The following NRG3 variants were observed in gnomAD, a reference collection of about 807,000 sequenced individuals.
NRG3 encodes the protein neuregulin 3.
In NRG3, 31 loss-of-function variants were observed where a neutral mutation model predicts 66.9. The ratio of observed to expected loss-of-function variants is 0.46; its 90% CI spans 0.35 to 0.63. The LOEUF is 0.63. NRG3 is among the 20% of genes least tolerant of loss of function. NRG3 has a pLI of 0.00. For missense variants in NRG3, 910 were observed against 878.9 expected, an observed-to-expected ratio of 1.04 and a Z score of -0.45; for synonymous variants, 393 against 359.4, an observed-to-expected ratio of 1.09 and a Z score of -1.06.
chr10:82,395,419 T>C (rs2086651168), intron 2 of NRG3, among the ~76,000 whole-genome samples: 1 of 152,172 alleles, frequency 6.6e-6, no homozygotes, highest in Non-Finnish European at 1.5e-5. Context: ...GCTCACCTGA[T>C]TGAAATTCAG....
chr10:81,884,984 T>C (rs552762934), intron 1 of NRG3, among the ~76,000 whole-genome samples: 1 of 152,332 alleles, frequency 6.6e-6, no homozygotes, highest in South Asian at 2.1e-4. Context: ...TGCAGTATTA[T>C]ATTGTTAACT....
rs557854251 is a variant in NRG3, at chr10:82,170,653, G to GGTGT, written c.824-188084_824-188083insGTGT. The stretch of plus-strand genomic sequence containing the variant: ...ATGAGATGATGTTTATAAAACTTGT[G>GGTGT]GTATATATATATATATATATATATA... On this transcript the variant is annotated intron_variant, in intron 1 of 8. Transcript: ENST00000372141. 6.5e-4 allele frequency among the ~76,000 whole-genome samples: 32 copies of GGTGT among 49,374 alleles called. No individual in the cohort carries two copies. In the East Asian group the frequency reaches 7.0e-3, roughly 11 times the overall value. 32.4% of individuals were successfully genotyped at this position (49,374 alleles called of 152,430 possible). A position where few individuals can be genotyped will look rare whatever the true frequency, so the allele number is the denominator to read the frequency against.
chr10:82,442,995 G>C (rs980054722), intron 2 of NRG3, among the ~76,000 whole-genome samples: 2 of 151,594 alleles, frequency 1.3e-5, no homozygotes, highest in Admixed American at 6.6e-5. Flanking sequence ...AATCAGCAGT[G>C]GAACTTTCAA....
intron 4 of NRG3, among the ~76,000 whole-genome samples, chr10:82,919,940 A>G (rs965236729): frequency 6.6e-6 from 1 of 152,156 alleles, no homozygotes; most frequent in Admixed American, 6.6e-5. Flanking sequence ...AAGCACAGAT[A>G]GGAACTAGAG....
At chr10:82,910,561 A>G (rs1441982769) in intron 4 of NRG3, among the ~76,000 whole-genome samples, 2 of 152,252 alleles carry the variant, frequency 1.3e-5, no homozygotes, top group East Asian at 3.8e-4. Flanking sequence ...ATCTGGTTTT[A>G]CAAACATTTG....
At chr10:82,482,552 G>A (rs1346335254) in intron 2 of NRG3, among the ~76,000 whole-genome samples, 2 of 152,078 alleles carry the variant, frequency 1.3e-5, no homozygotes, top group East Asian at 3.9e-4. Flanking sequence ...GGCAAGGTCA[G>A]TGCTACACAG....
At chr10:82,053,455 G>T (rs1293555215) in intron 1 of NRG3, among the ~76,000 whole-genome samples, 1 of 152,092 alleles carries the variant, frequency 6.6e-6, no homozygotes, top group Non-Finnish European at 1.5e-5. Flanking sequence ...TGAGGAAGAA[G>T]TAACTCCTCC....
At chr10:82,945,515 T>G (rs1053061407) in intron 4 of NRG3, among the ~76,000 whole-genome samples, 1 of 152,136 alleles carries the variant, frequency 6.6e-6, no homozygotes, top group African/African-American at 2.4e-5. Flanking sequence ...TCCAAAAGCA[T>G]AGCGCCAGCA....
At chr10:82,728,492 C>T (rs1166533361) in intron 2 of NRG3, among the ~76,000 whole-genome samples, 1 of 152,216 alleles carries the variant, frequency 6.6e-6, no homozygotes, top group Non-Finnish European at 1.5e-5. Flanking sequence ...TAAGATGCGA[C>T]TTGTTCCTCC....
chr10:81,917,626 G>T (rs960906879), intron 1 of NRG3, among the ~76,000 whole-genome samples: 2 of 152,184 alleles, frequency 1.3e-5, no homozygotes, highest in Admixed American at 6.5e-5. Flanking sequence ...TATTGTAAGA[G>T]GAGGGCAGTT....
chr10:82,314,014 C>T (rs61864202), intron 1 of NRG3, among the ~76,000 whole-genome samples: 10 of 152,294 alleles, frequency 6.6e-5, no homozygotes, highest in Non-Finnish European at 1.2e-4. Context: ...TACTAACCAG[C>T]TATATAGCCT....
intron 2 of NRG3, among the ~76,000 whole-genome samples, chr10:82,718,019 T>A (rs943611761): frequency 6.6e-6 from 1 of 152,136 alleles, no homozygotes; most frequent in Non-Finnish European, 1.5e-5. Context: ...CTCCAGTTAT[T>A]CTATTCACTA....
intron 2 of NRG3, among the ~76,000 whole-genome samples, chr10:82,602,350 A>C (rs998457104): frequency 2.6e-4 from 39 of 152,198 alleles, no homozygotes; most frequent in African/African-American, 9.1e-4. Context: ...GAATAGCATA[A>C]ATTTCTTATC....
rs192053751 is a variant in NRG3 at position 82,531,039 on chromosome 10, G to A, written c.953+172171G>A. ...AATATTTGGACTGAAACATTTGCAT[G>A]TTTCAATATGAAAAGAAAAAAGAGC... On this transcript the variant is annotated intron_variant, in intron 2 of 8. Transcript: ENST00000372141. Among the ~76,000 whole-genome samples, 244 of 151,806 alleles carry A rather than the reference G, an allele frequency of 1.6e-3. 1 individual carries two copies. The highest frequency in any genetic ancestry group is 5.3e-3 in the African/African-American group (222 of 41,510).
chr10:82,384,632 G>A (rs192915934), intron 2 of NRG3, among the ~76,000 whole-genome samples: 14 of 152,246 alleles, frequency 9.2e-5, no homozygotes, highest in African/African-American at 3.1e-4. Flanking sequence ...TGGCTGTATA[G>A]TATTCCATGG....
intron 1 of NRG3, among the ~76,000 whole-genome samples, chr10:82,241,461 C>T (rs1011442671): frequency 6.6e-6 from 1 of 152,018 alleles, no homozygotes; most frequent in Non-Finnish European, 1.5e-5. Flanking sequence ...TTCTGTCCTC[C>T]ATCACCATTC....
chr10:82,733,102 T>A (rs1230252491), intron 2 of NRG3, among the ~76,000 whole-genome samples: 1 of 152,224 alleles, frequency 6.6e-6, no homozygotes, highest in Admixed American at 6.5e-5. Flanking sequence ...TGAAGCTAAT[T>A]GATTTTGGCT....
intron 1 of NRG3, among the ~76,000 whole-genome samples, chr10:82,268,815 C>T (rs2134285154): frequency 6.6e-6 from 1 of 152,216 alleles, no homozygotes; most frequent in East Asian, 1.9e-4. Context: ...AGTCTATAAT[C>T]AAGACCATCT....
At chr10:82,449,094 G>C (rs961308994) in intron 2 of NRG3, among the ~76,000 whole-genome samples, 1 of 152,168 alleles carries the variant, frequency 6.6e-6, no homozygotes, top group African/African-American at 2.4e-5. Flanking sequence ...TGTTCCTCAA[G>C]CAAAGACTCT....
Sources: allele counts gnomAD v4.1 joint callset (sites outside exome capture counted in the v4.1 genomes callset), GRCh38; gene constraint gnomAD v4.1.1; transcripts MANE v1.5; gene names NCBI Gene and HGNC (gene_info 2026-07-23, HGNC 2026-07-21).